Variants in OAF observed in about 807,000 individuals in gnomAD.
OAF encodes the protein out at first protein homolog.
In OAF, 13 loss-of-function variants were observed where a neutral mutation model predicts 22.5. The observed-to-expected ratio is 0.58, with a 90% CI of 0.38 to 0.92. The LOEUF (loss-of-function observed/expected upper bound fraction) is 0.92, where lower values mean the gene tolerates loss of function less well. Ranked by LOEUF, OAF falls within the 40% of genes least tolerant of loss-of-function variation. The probability of loss-of-function intolerance (pLI) is 0.00; values close to 1 mark genes in which losing one functional copy is unlikely to be tolerated. For missense variants in OAF, 347 were observed against 381.8 expected (o/e 0.91, Z 0.76); for synonymous variants, 175 against 170.5 (o/e 1.03, Z -0.21).
intron 1 of OAF, among the ~76,000 whole-genome samples, chr11:120,217,978 G>C (rs1290791876): frequency 6.6e-6 from 1 of 152,234 alleles, no homozygotes; most frequent in Non-Finnish European, 1.5e-5. Context: ...AGAGGCATCA[G>C]GGCTGGGAGT....
At chr11:120,221,831 T>C (rs1591359513) in intron 1 of OAF, among the ~76,000 whole-genome samples, 1 of 152,200 alleles carries the variant, frequency 6.6e-6, no homozygotes, top group Non-Finnish European at 1.5e-5. Context: ...CCAGGTAGGC[T>C]GGAGATTCCT....
intron 1 of OAF, among the ~76,000 whole-genome samples, chr11:120,219,176 C>T (rs1258567178): frequency 2.0e-5 from 3 of 151,848 alleles, no homozygotes; most frequent in African/African-American, 4.8e-5. Context: ...CCGCCTCTGC[C>T]GGCAACAGGG....
chr11:120,225,573 C>T, intron 1 of OAF, 88 bp from the exon 2 acceptor site: 1 of 1,235,008 alleles, frequency 8.1e-7, no homozygotes, highest in Non-Finnish European at 1.1e-6. Flanking sequence ...GTCCAGGCAT[C>T]CTGTTCAGGG....
At chr11:120,228,457 G>T (rs1938391004) in intron 3 of OAF, among the ~76,000 whole-genome samples, 1 of 152,106 alleles carries the variant, frequency 6.6e-6, no homozygotes, top group African/African-American at 2.4e-5. Flanking sequence ...GCACACTCCG[G>T]TATGGTGATT....
At chr11:120,216,465 G>T (rs1938213933) in intron 1 of OAF, among the ~76,000 whole-genome samples, 1 of 152,216 alleles carries the variant, frequency 6.6e-6, no homozygotes, top group African/African-American at 2.4e-5. Context: ...CTTTTCTGGA[G>T]CTCAGAGCAT....
intron 3 of OAF, among the ~76,000 whole-genome samples, chr11:120,228,503 G>A (rs140339798): frequency 4.7e-3 from 710 of 152,260 alleles, no homozygotes; most frequent in Middle Eastern, 0.041. Flanking sequence ...GTCTAGTGGA[G>A]GCCTTGAAAC....
At chr11:120,226,633 G>T (rs978998273) in intron 2 of OAF, among the ~76,000 whole-genome samples, 183 bp from the exon 3 acceptor site, 23 of 152,214 alleles carry the variant, frequency 1.5e-4, no homozygotes, top group Non-Finnish European at 2.8e-4. Context: ...GGCTGAAAAG[G>T]CTCGACTGTA....
At chr11:120,226,415 C>T (rs1187585164) in intron 2 of OAF, among the ~76,000 whole-genome samples, 2 of 152,256 alleles carry the variant, frequency 1.3e-5, no homozygotes, top group East Asian at 1.9e-4. Flanking sequence ...CTGGGGGCCT[C>T]CTCGCCCCTG....
rs1303142798 is a variant in OAF at position 120,211,332 on chromosome 11, C to T, written c.53C>T (p.Pro18Leu). The change falls in exon 1 of 4, where the codon CCG becomes CTG. Residue 18 changes from proline to leucine, a missense_variant. By Grantham distance (98) the Pro-to-Leu change is moderately conservative. Transcript: ENST00000328965. ...CGCCCTGCGCTGCTGCTGCTGCTGCCGCTGCTCGCGCCGCTGCTGGGAACG... is the reference window on the plus strand; with the variant it reads ...CGCCCTGCGCTGCTGCTGCTGCTGCTGCTGCTCGCGCCGCTGCTGGGAACG... Reference protein sequence around the residue: ...LARPALLLLLPLLAPLLGTGA... With the variant: ...LARPALLLLLLLLAPLLGTGA... The T allele has an allele frequency of 1.1e-5, 16 of 1,396,532 alleles. No individual in the cohort carries two copies. The Admixed American group carries it at 2.5e-4, about 22-fold the overall frequency. 86.5% of individuals were successfully genotyped at this position (1,396,532 alleles called of 1,614,324 possible).
chr11:120,223,139 C>A (rs1938304183), intron 1 of OAF, among the ~76,000 whole-genome samples: 1 of 152,204 alleles, frequency 6.6e-6, no homozygotes, highest in South Asian at 2.1e-4. Flanking sequence ...CTGCTGCTGG[C>A]CAGCTCAGGC....
At chr11:120,215,141 C>G (rs947585449) in intron 1 of OAF, among the ~76,000 whole-genome samples, 1 of 151,952 alleles carries the variant, frequency 6.6e-6, no homozygotes, top group Non-Finnish European at 1.5e-5. Context: ...GTCAGCAGTT[C>G]GAGACCAGCC....
chr11:120,211,270 G>A lies in OAF; in HGVS notation c.-10G>A, dbSNP rs998756761. The A allele has an allele frequency of 1.6e-6, 2 of 1,214,462 alleles. No homozygotes were observed. Among genetic ancestry groups the A allele is most frequent in the Non-Finnish European group, 2.0e-6 (2 of 976,198 alleles). 75.2% of individuals were successfully genotyped at this position (1,214,462 alleles called of 1,614,324 possible). A position where few individuals can be genotyped will look rare whatever the true frequency, so the allele number is the denominator to read the frequency against. On this transcript the variant is annotated 5_prime_UTR_variant, in exon 1 of 4. Coordinates refer to ENST00000328965, the MANE Select transcript of OAF (RefSeq NM_178507.4). ...CGCGCCGGGGCCGCGGACGGCAGCG[G>A]CCCCCGGGGATGCGCCTTCCCGGGG...
intron 1 of OAF, among the ~76,000 whole-genome samples, chr11:120,216,033 T>A (rs917431827): frequency 6.6e-6 from 1 of 152,054 alleles, no homozygotes; most frequent in East Asian, 1.9e-4. Flanking sequence ...TAAGGGGAAC[T>A]GTACAGCTGT....
intron 3 of OAF, among the ~76,000 whole-genome samples, chr11:120,227,663 G>A (rs957933001): frequency 6.6e-6 from 1 of 152,088 alleles, no homozygotes; most frequent in African/African-American, 2.4e-5. Flanking sequence ...ACCCCTCTCT[G>A]GGTACCTTTT....
At position 120,229,245 on chromosome 11, in the gene OAF, C is replaced by A; in HGVS notation, c.*103C>A. ...CTGAGGCCTTATTTCCCTCCCTCCC[C>A]ACTCCCCTGGCCCTAGAGCCTGGGC... On this transcript the variant is annotated 3_prime_UTR_variant, in exon 4 of 4. Transcript: ENST00000328965. The A allele has an allele frequency of 9.4e-7, 1 of 1,069,512 alleles. No homozygotes were observed. The allele number at this position is 1,069,512 out of a possible 1,614,324, so 66.3% of individuals were successfully genotyped here.
In OAF at chr11:120,211,365, C is replaced by G; in HGVS notation, c.86C>G (p.Pro29Arg). 1 of 1,447,296 alleles carries G rather than the reference C, an allele frequency of 6.9e-7. No individual in the cohort carries two copies. Among genetic ancestry groups the G allele is most frequent in the Non-Finnish European group, 9.2e-7 (1 of 1,089,774 alleles). The allele number at this position is 1,447,296 out of a possible 1,614,324, so 89.7% of individuals were successfully genotyped here. A position where few individuals can be genotyped will look rare whatever the true frequency, so the allele number is the denominator to read the frequency against. The change falls in exon 1 of 4, where the codon CCG (proline) becomes CGG (arginine). Residue 29 changes from proline to arginine, a missense_variant. Transcript: ENST00000328965. Reference protein sequence around the residue: ...LLAPLLGTGAPAELRVRVRLP... With the variant: ...LLAPLLGTGARAELRVRVRLP... ...GCGCCGCTGCTGGGAACGGGTGCGC[C>G]GGCCGAGCTGCGGGTCCGCGTGCGG... is the stretch of plus-strand genomic sequence containing the variant.
intron 1 of OAF, among the ~76,000 whole-genome samples, chr11:120,220,789 C>T (rs145440416): frequency 5.9e-5 from 9 of 152,186 alleles, no homozygotes; most frequent in Admixed American, 1.3e-4. Flanking sequence ...ACAAGCTCTC[C>T]GGTTCAGTGC....
chr11:120,211,150 C>A lies in OAF; in HGVS notation c.-130C>A. On this transcript the variant is annotated 5_prime_UTR_variant, in exon 1 of 4. Transcript: ENST00000328965. ...CCGCGCCACCTCGCGGGCGACCCCG[C>A]GGCCAAGGCCCCCGGCGGAGCGGCT... is the stretch of plus-strand genomic sequence containing the variant. The A allele has an allele frequency of 2.7e-6, 1 of 365,252 alleles. No individual in the cohort carries two copies. The highest frequency in any genetic ancestry group is 4.3e-6 in the Non-Finnish European group (1 of 231,368). 22.6% of individuals were successfully genotyped at this position (365,252 alleles called of 1,614,324 possible). A position where few individuals can be genotyped will look rare whatever the true frequency, so the allele number is the denominator to read the frequency against.
At chr11:120,223,040 C>T (rs1408641980) in intron 1 of OAF, among the ~76,000 whole-genome samples, 1 of 152,228 alleles carries the variant, frequency 6.6e-6, no homozygotes. Context: ...AACCACGAGC[C>T]AGAGCCGCCA....
Sources: allele counts gnomAD v4.1 joint callset (sites outside exome capture counted in the v4.1 genomes callset), GRCh38; gene constraint gnomAD v4.1.1; transcripts MANE v1.5; gene names NCBI Gene and HGNC (gene_info 2026-07-23, HGNC 2026-07-21).